FGF14: variants seen among roughly 807,000 people sequenced by gnomAD.
FGF14 encodes fibroblast growth factor homologous factor 4.
FGF14 carries 5 observed loss-of-function variants against 25.5 expected under a neutral mutation model. The observed-to-expected ratio is 0.20, with a 90% CI of 0.10 to 0.41. The LOEUF is 0.41. FGF14 is among the 10% of genes least tolerant of loss of function. FGF14 has a pLI of 1.00. For missense variants in FGF14, 222 were observed against 320.1 expected, an observed-to-expected ratio of 0.69 and a Z score of 2.34; for synonymous variants, 138 against 118.3, an observed-to-expected ratio of 1.17 and a Z score of -1.08.
Position 101,726,757 on chromosome 13 carries a change from A to G in FGF14, c.462T>C (p.Tyr154=), listed in dbSNP as rs1433830488. Residue 154 remains tyrosine, a synonymous_variant, in exon 4 of 5, where the codon TAT becomes TAC. Coordinates refer to ENST00000376143, the MANE Select transcript of FGF14 (RefSeq NM_004115.4). ...TGTACAACATGGATGAGTAGATTACATAATAATTTTCAAAAACAGATTCTT... is the reference window on the plus strand; with the variant it reads ...TGTACAACATGGATGAGTAGATTACGTAATAATTTTCAAAAACAGATTCTT... The part of the protein sequence containing the change: ...KFKESVFENY[Y]VIYSSMLYRQ... The G allele has an allele frequency of 1.9e-6, 3 of 1,612,840 alleles. No homozygotes were observed. Among genetic ancestry groups the G allele is most frequent in the African/African-American group, 1.3e-5 (1 of 74,874 alleles).
At chr13:102,251,283 T>A (rs895345679) in intron 1 of FGF14, among the ~76,000 whole-genome samples, 1 of 152,092 alleles carries the variant, frequency 6.6e-6, no homozygotes. Flanking sequence ...TGTTTGAAAA[T>A]TCCTTTTATT....
At chr13:101,848,357 C>G (rs916373405) in intron 3 of FGF14, among the ~76,000 whole-genome samples, 1 of 151,904 alleles carries the variant, frequency 6.6e-6, no homozygotes, top group African/African-American at 2.4e-5. Flanking sequence ...CAACATAACT[C>G]TATAGACTCC....
At chr13:101,750,119 C>T (rs2037173409) in intron 3 of FGF14, among the ~76,000 whole-genome samples, 1 of 152,080 alleles carries the variant, frequency 6.6e-6, no homozygotes, top group African/African-American at 2.4e-5. Context: ...AGTTCCCAGC[C>T]TCCAGAACTG....
At chr13:101,888,148 G>A (rs186363572) in intron 1 of FGF14, among the ~76,000 whole-genome samples, 5 of 152,108 alleles carry the variant, frequency 3.3e-5, no homozygotes, top group African/African-American at 4.8e-5. Flanking sequence ...CTCTGGGCAC[G>A]CATGAAACTC....
chr13:102,319,232 GAACT>G (rs1159695927), intron 1 of FGF14, among the ~76,000 whole-genome samples: 8 of 152,308 alleles, frequency 5.3e-5, no homozygotes, highest in African/African-American at 1.9e-4. Context: ...AGATCAGAAA[GAACT>G]AACCATATTA....
At chr13:102,199,960 T>C (rs2049540111) in intron 1 of FGF14, among the ~76,000 whole-genome samples, 1 of 152,100 alleles carries the variant, frequency 6.6e-6, no homozygotes, top group African/African-American at 2.4e-5. Context: ...ATTAAGAAAA[T>C]AATGTATGCT....
intron 1 of FGF14, among the ~76,000 whole-genome samples, chr13:101,878,699 A>C (rs570382792): frequency 6.6e-6 from 1 of 152,310 alleles, no homozygotes; most frequent in East Asian, 1.9e-4. Context: ...ACATGAAATT[A>C]GCCAAAAGAG....
chr13:102,301,826 T>TCTCACACACA (rs1555397357), intron 1 of FGF14, among the ~76,000 whole-genome samples: 3 of 139,978 alleles, frequency 2.1e-5, no homozygotes, highest in African/African-American at 7.9e-5. Context: ...TTCCTGTACT[T>TCTCACACACA]CACACACACA....
intron 3 of FGF14, among the ~76,000 whole-genome samples, chr13:101,767,528 G>T (rs2038485670): frequency 6.6e-6 from 1 of 152,162 alleles, no homozygotes; most frequent in Non-Finnish European, 1.5e-5. Flanking sequence ...AGCTCTAAAT[G>T]TGTGCTTGTA....
At chr13:101,818,792 C>A (rs549441396) in intron 3 of FGF14, among the ~76,000 whole-genome samples, 1 of 152,150 alleles carries the variant, frequency 6.6e-6, no homozygotes, top group East Asian at 1.9e-4. Context: ...GGAAGCAGAA[C>A]GTGAACCTTT....
chr13:102,038,045 C>T (rs1257718750), intron 1 of FGF14, among the ~76,000 whole-genome samples: 1 of 152,098 alleles, frequency 6.6e-6, no homozygotes, highest in African/African-American at 2.4e-5. Context: ...AAATAATGTA[C>T]AGCTAGAGAG....
rs1215891771 is a variant in FGF14, at chr13:101,710,943, CT to C, written c.*11887del. 1 of 152,138 alleles carries C rather than the reference CT, an allele frequency of 6.6e-6. No homozygotes were observed. Among genetic ancestry groups the C allele is most frequent in the Admixed American group, 6.5e-5 (1 of 15,276 alleles). The allele number at this position is 152,138 out of a possible 1,614,324, so 9.4% of individuals were successfully genotyped here. On this transcript the variant is annotated 3_prime_UTR_variant, in exon 5 of 5. Coordinates refer to ENST00000376143, the MANE Select transcript of FGF14 (RefSeq NM_004115.4). Reference sequence around the variant, plus strand: ...TAGTTAGTACAATAGTGAAAACTGCCTGCTGGGATGTCAGGTTGCAGCATTT... The same window carrying C: ...TAGTTAGTACAATAGTGAAAACTGCCGCTGGGATGTCAGGTTGCAGCATTT...
rs953128974 is a variant in FGF14 at position 102,281,810 on chromosome 13, A to G, written c.208+119661T>C. ...TTCAAGCCTCTATTTCCAAAAGCAT[A>G]CACTACATGTCCATCTAGATATCTT... On this transcript the variant is annotated intron_variant, in intron 1 of 4. Transcript: ENST00000376131. 4.6e-5 allele frequency among the ~76,000 whole-genome samples: 7 copies of G among 151,746 alleles called. 1 individual carries two copies. Among genetic ancestry groups the G allele is most frequent in the African/African-American group, 7.3e-5 (3 of 41,378 alleles).
chr13:101,874,599 G>GCTTTTTAATTAA (rs2045290632), intron 2 of FGF14, among the ~76,000 whole-genome samples: 1 of 152,102 alleles, frequency 6.6e-6, no homozygotes, highest in African/African-American at 2.4e-5. Context: ...TTATACAGTG[G>GCTTTTTAATTAA]AAGATGTGTA....
At chr13:102,387,629 T>C (rs537408900) in intron 1 of FGF14, among the ~76,000 whole-genome samples, 1 of 152,334 alleles carries the variant, frequency 6.6e-6, no homozygotes, top group African/African-American at 2.4e-5. Context: ...GTTTGTTATG[T>C]AGGTAAATAG....
chr13:101,885,985 T>C (rs2045970372), intron 1 of FGF14, among the ~76,000 whole-genome samples: 1 of 152,116 alleles, frequency 6.6e-6, no homozygotes, highest in South Asian at 2.1e-4. Flanking sequence ...AAATTTCAGG[T>C]TAATGCTTCA....
intron 1 of FGF14, among the ~76,000 whole-genome samples, chr13:102,301,392 G>C (rs1356614804): frequency 1.1e-4 from 17 of 152,138 alleles, no homozygotes; most frequent in Non-Finnish European, 2.5e-4. Context: ...CAATTCAATT[G>C]ACAGTTATGA....
intron 1 of FGF14, among the ~76,000 whole-genome samples, chr13:101,931,696 G>A (rs1287367294): frequency 6.6e-6 from 1 of 152,148 alleles, no homozygotes; most frequent in Non-Finnish European, 1.5e-5. Context: ...GGGTGAGCCG[G>A]ACAGGACACT....
At chr13:102,124,038 C>T (rs1410201531) in intron 1 of FGF14, among the ~76,000 whole-genome samples, 1 of 148,780 alleles carries the variant, frequency 6.7e-6, no homozygotes, top group Non-Finnish European at 1.5e-5. Context: ...AGAGTAACAA[C>T]AGAACAGCAA....
Sources: allele counts gnomAD v4.1 joint callset (sites outside exome capture counted in the v4.1 genomes callset), GRCh38; gene constraint gnomAD v4.1.1; transcripts MANE v1.5; gene names NCBI Gene and HGNC (gene_info 2026-07-23, HGNC 2026-07-21).